Variants in OPCML observed in about 807,000 individuals in gnomAD.
The protein encoded by OPCML is opioid binding protein/cell adhesion molecule like, also known as opioid-binding protein/cell adhesion molecule.
A neutral mutation model predicts 37.8 loss-of-function variants in OPCML; 13 were observed. The observed-to-expected ratio is 0.34, with a 90% CI of 0.22 to 0.55. OPCML has a LOEUF of 0.55. OPCML is among the 20% of genes least tolerant of loss of function. The pLI is 0.91. For missense variants in OPCML, 341 were observed against 435.6 expected, an observed-to-expected ratio of 0.78 and a Z score of 1.93; for synonymous variants, 176 against 168.8, an observed-to-expected ratio of 1.04 and a Z score of -0.33.
chr11:133,175,484 G>GAAAAAAAAAAAAA (rs5795829), intron 1 of OPCML, among the ~76,000 whole-genome samples: 1 of 137,612 alleles, frequency 7.3e-6, no homozygotes. Flanking sequence ...GAGAAAAATA[G>GAAAAAAAAAAAAA]AAAAAAAAAA....
intron 4 of OPCML, among the ~76,000 whole-genome samples, chr11:132,489,439 A>T (rs1021190617): frequency 7.9e-5 from 12 of 152,240 alleles, no homozygotes; most frequent in African/African-American, 2.7e-4. Context: ...AAATACAAAG[A>T]CCAGTAACGA....
intron 3 of OPCML, among the ~76,000 whole-genome samples, chr11:132,554,705 G>T (rs929382311): frequency 6.6e-6 from 1 of 152,108 alleles, no homozygotes; most frequent in Non-Finnish European, 1.5e-5. Context: ...GCTTTCCAAT[G>T]TTCTGAGCCT....
At chr11:132,754,044 A>G (rs1471571731) in intron 2 of OPCML, among the ~76,000 whole-genome samples, 1 of 152,212 alleles carries the variant, frequency 6.6e-6, no homozygotes, top group Non-Finnish European at 1.5e-5. Context: ...ATTAAGGTCT[A>G]CTGTGCCTGG....
At chr11:133,513,218 A>G (rs566157694) in intron 1 of OPCML, among the ~76,000 whole-genome samples, 34 of 152,334 alleles carry the variant, frequency 2.2e-4, no homozygotes, top group Middle Eastern at 3.4e-3. Flanking sequence ...TATAACATGG[A>G]CATTGAGAAA....
chr11:133,066,893 G>T (rs909757323), intron 1 of OPCML: 1 of 152,130 alleles, frequency 6.6e-6, no homozygotes, highest in African/African-American at 2.4e-5. Flanking sequence ...TGGCCATGCT[G>T]GTCTCGAACT....
At chr11:133,526,248 T>C (rs541976013) in intron 1 of OPCML, among the ~76,000 whole-genome samples, 1 of 152,284 alleles carries the variant, frequency 6.6e-6, no homozygotes, top group Non-Finnish European at 1.5e-5. Context: ...ACAGGCAGCC[T>C]GTGGGCCTCC....
rs1002785825 is a variant in OPCML, at chr11:133,089,311, C to A, written c.62-146301G>T. Among the ~76,000 whole-genome samples, 9 of 152,202 alleles carry A rather than the reference C, an allele frequency of 5.9e-5. 1 individual carries two copies. In the East Asian group the frequency reaches 1.7e-3, roughly 29 times the overall value. On this transcript the variant is annotated intron_variant, in intron 1 of 7. Coordinates refer to ENST00000524381, the MANE Select transcript of OPCML (RefSeq NM_001012393.5). ...AATGTGAGTAATGAATACACTTTAACAACAGCACTATCATCTTCCAGATTA... is the reference window on the plus strand; with the variant it reads ...AATGTGAGTAATGAATACACTTTAAAAACAGCACTATCATCTTCCAGATTA...
At chr11:132,937,270 T>C (rs1476171120) in intron 2 of OPCML, among the ~76,000 whole-genome samples, 4 of 151,784 alleles carry the variant, frequency 2.6e-5, no homozygotes, top group Middle Eastern at 3.2e-3. Context: ...AAGGGCAGAG[T>C]CCTTTTTTAG....
rs1948623383 is a variant in OPCML, at chr11:133,532,330, C to T, written c.-6G>A. 3.1e-6 allele frequency: 5 copies of T among 1,612,842 alleles called. No individual in the cohort carries two copies. The highest frequency in any genetic ancestry group is 4.2e-6 in the Non-Finnish European group (5 of 1,179,552). ...CAGTAGGCAGGATGGTACATCTCGA[C>T]GCTGCGGTGCTCTCAGCTGCCGGGC... On this transcript the variant is annotated 5_prime_UTR_variant, in exon 1 of 8. Transcript: ENST00000524381.
At chr11:132,954,747 G>A (rs375114341) in intron 1 of OPCML, among the ~76,000 whole-genome samples, 2 of 152,298 alleles carry the variant, frequency 1.3e-5, no homozygotes, top group African/African-American at 2.4e-5. Context: ...TGAAGTCACT[G>A]AGCAAGAGCA....
At chr11:133,165,135 G>A (rs1427230132) in intron 1 of OPCML, among the ~76,000 whole-genome samples, 2 of 152,196 alleles carry the variant, frequency 1.3e-5, no homozygotes, top group East Asian at 1.9e-4. Flanking sequence ...ACAGTGAGCC[G>A]AGCCACAGTC....
chr11:133,319,200 C>A (rs11602409), intron 1 of OPCML, among the ~76,000 whole-genome samples: 22,544 of 152,144 alleles, frequency 0.15, 2,461 homozygotes, highest in East Asian at 0.5. Context: ...CTTTTGGTGT[C>A]TTTTAAAAAA....
chr11:133,139,861 G>A lies in OPCML; in HGVS notation c.62-196851C>T, dbSNP rs147825381. On this transcript the variant is annotated intron_variant, in intron 1 of 7. Coordinates refer to ENST00000524381, the MANE Select transcript of OPCML (RefSeq NM_001012393.5). ...AATGTAATTTTCCTGAGGTGACTAGGGAGTCTTAACGAGAAGAGGAAAAGC... is the reference window on the plus strand; with the variant it reads ...AATGTAATTTTCCTGAGGTGACTAGAGAGTCTTAACGAGAAGAGGAAAAGC... 2.4e-3 allele frequency among the ~76,000 whole-genome samples: 371 copies of A among 152,202 alleles called. 2 individuals carry two copies. The highest frequency in any genetic ancestry group is 5.5e-3 in the Admixed American group (84 of 15,282).
intron 1 of OPCML, among the ~76,000 whole-genome samples, chr11:133,196,014 TTTTG>T (rs1592093426): frequency 6.6e-6 from 1 of 151,946 alleles, no homozygotes; most frequent in South Asian, 2.1e-4. Context: ...GAGTTGAGAC[TTTTG>T]TTTGTTAAAT....
At chr11:133,235,958 A>T (rs550458062) in intron 1 of OPCML, among the ~76,000 whole-genome samples, 1 of 152,340 alleles carries the variant, frequency 6.6e-6, no homozygotes, top group East Asian at 1.9e-4. Context: ...GGATAGTTCC[A>T]AGACTCCCAG....
At chr11:133,034,448 A>G (rs1947738454) in intron 1 of OPCML, among the ~76,000 whole-genome samples, 1 of 152,156 alleles carries the variant, frequency 6.6e-6, no homozygotes, top group African/African-American at 2.4e-5. Flanking sequence ...CCTGTCATAA[A>G]TCCAGTGCTT....
At chr11:133,217,342 T>A (rs1357537159) in intron 1 of OPCML, among the ~76,000 whole-genome samples, 1 of 152,178 alleles carries the variant, frequency 6.6e-6, no homozygotes, top group African/African-American at 2.4e-5. Flanking sequence ...AGAATTGGGG[T>A]CCCAGTGTTT....
chr11:132,730,157 C>T (rs1182658674), intron 2 of OPCML, among the ~76,000 whole-genome samples: 1 of 151,750 alleles, frequency 6.6e-6, no homozygotes, highest in African/African-American at 2.4e-5. Context: ...GGATTACAGG[C>T]ACCCGCCACC....
At position 133,038,107 on chromosome 11, in the gene OPCML, CCT is replaced by C. The variant is rs1285864877; in HGVS notation, c.62-95099_62-95098del. On this transcript the variant is annotated intron_variant, in intron 1 of 7. Coordinates refer to ENST00000524381, the MANE Select transcript of OPCML (RefSeq NM_001012393.5). ...ATCTCTACAAGTAGGGTGGTGGCCA[CCT>C]CTCTTTCTGCCTGCAAGGCTGGATG... 5.9e-5 allele frequency among the ~76,000 whole-genome samples: 9 copies of C among 152,366 alleles called. No homozygotes were observed. In the East Asian group the frequency reaches 1.5e-3, roughly 26 times the overall value.
Sources: allele counts gnomAD v4.1 joint callset (sites outside exome capture counted in the v4.1 genomes callset), GRCh38; gene constraint gnomAD v4.1.1; transcripts MANE v1.5; gene names NCBI Gene and HGNC (gene_info 2026-07-23, HGNC 2026-07-21).